The following SPTAN1 variants were observed in gnomAD, a reference collection of about 807,000 sequenced individuals.
The protein encoded by SPTAN1 is spectrin alpha chain, non-erythrocytic 1.
In SPTAN1, 61 loss-of-function variants were observed where a neutral mutation model predicts 331.3. That is an observed-to-expected ratio of 0.18 (90% CI 0.15 to 0.23). The LOEUF (loss-of-function observed/expected upper bound fraction) is 0.23, where lower values mean the gene tolerates loss of function less well. SPTAN1 is among the 10% of genes least tolerant of loss of function. The pLI is 1.00. For synonymous variants in SPTAN1, 1,153 were observed against 1,173.9 expected, an observed-to-expected ratio of 0.98 and a Z score of 0.36; for missense variants, 2,043 against 3,147.9, an observed-to-expected ratio of 0.65 and a Z score of 8.40.
At chr9:128,584,629 G>A in intron 17 of SPTAN1, 92 bp from the exon 18 acceptor site, 1 of 1,613,974 alleles carries the variant, frequency 6.2e-7, no homozygotes, top group Non-Finnish European at 8.5e-7. Context: ...TTAAATTATT[G>A]AACTGGAACC....
chr9:128,561,638 G>A (rs1410939830), intron 1 of SPTAN1, among the ~76,000 whole-genome samples: 1 of 93,546 alleles, frequency 1.1e-5, no homozygotes, highest in African/African-American at 3.8e-5. Flanking sequence ...ACTCCAGCCT[G>A]GGCAACAGAG....
At position 128,569,087 on chromosome 9, in the gene SPTAN1, T is replaced by C. The variant is rs181700435; in HGVS notation, c.363+190T>C. 8.1e-4 allele frequency among the ~76,000 whole-genome samples: 123 copies of C among 152,318 alleles called. No individual in the cohort carries two copies. In the East Asian group the frequency reaches 0.022, roughly 27 times the overall value. On this transcript the variant is annotated intron_variant, in intron 3 of 56. Coordinates refer to ENST00000372739, the MANE Select transcript of SPTAN1 (RefSeq NM_001130438.3). ...GACAGCATGAATGCAAGCGTTTGTA[T>C]ACTCAGTGAGGAAATTAATATTCCT...
intron 44 of SPTAN1, 131 bp from the exon 45 acceptor site, chr9:128,621,027 C>A (rs1269797554): frequency 1.0e-5 from 8 of 767,136 alleles, no homozygotes; most frequent in Non-Finnish European, 1.9e-5. Context: ...CTTTATTATC[C>A]TCTTCCCCAG....
At chr9:128,579,332 C>T (rs1163496781) in intron 9 of SPTAN1, among the ~76,000 whole-genome samples, 3 of 152,152 alleles carry the variant, frequency 2.0e-5, no homozygotes, top group Admixed American at 2.0e-4. Context: ...TAAACAAGTC[C>T]ATTTGGCACA....
At chr9:128,606,374 C>CAAAAAA (rs59257779) in intron 31 of SPTAN1, among the ~76,000 whole-genome samples, 1,521 of 58,732 alleles carry the variant, frequency 0.026, 331 homozygotes, top group Non-Finnish European at 0.033. Context: ...GACTCTGCCT[C>CAAAAAA]AAAAAAAAAA....
At chr9:128,580,295 TAAATA>T (rs1211189762) in intron 10 of SPTAN1, among the ~76,000 whole-genome samples, 1 of 150,668 alleles carries the variant, frequency 6.6e-6, no homozygotes, top group East Asian at 1.9e-4. Context: ...AAAAAATAAA[TAAATA>T]AAAATAAAAT....
chr9:128,617,038 G>C (rs1857256741), intron 41 of SPTAN1, among the ~76,000 whole-genome samples: 1 of 152,122 alleles, frequency 6.6e-6, no homozygotes, highest in Non-Finnish European at 1.5e-5. Flanking sequence ...AAGAGTTTGA[G>C]ACCAGCCTGG....
chr9:128,574,592 C>CT (rs751793555), intron 3 of SPTAN1, 83 bp from the exon 4 acceptor site: 9 of 1,541,062 alleles, frequency 5.8e-6, no homozygotes, highest in Non-Finnish European at 7.2e-6. Context: ...CATAAGGTCT[C>CT]TAACTTGTCT....
At position 128,615,616 on chromosome 9, in the gene SPTAN1, A is replaced by T. The variant is rs1407103136; in HGVS notation, c.5149-16A>T. The T allele has an allele frequency of 6.2e-7, 1 of 1,613,494 alleles. No homozygotes were observed. The highest frequency in any genetic ancestry group is 8.5e-7 in the Non-Finnish European group (1 of 1,180,044). ...GGGAGACCCAGTTTCTGACCCTCTT[A>T]TGTCCCCTGCCCCAGGATCGCCTGA... On this transcript the variant is annotated splice_polypyrimidine_tract_variant and intron_variant, in intron 40 of 56. Transcript: ENST00000372739.
At chr9:128,606,665 T>A (rs1855929924) in intron 31 of SPTAN1, among the ~76,000 whole-genome samples, 1 of 151,836 alleles carries the variant, frequency 6.6e-6, no homozygotes. Flanking sequence ...GTATTTTTTT[T>A]AGTAGAGGCG....
At chr9:128,609,990 T>A (rs1424183349) in intron 37 of SPTAN1, among the ~76,000 whole-genome samples, 1 of 152,212 alleles carries the variant, frequency 6.6e-6, no homozygotes, top group Non-Finnish European at 1.5e-5. Context: ...GAACATCAGC[T>A]TCAGCTTTTT....
intron 29 of SPTAN1, 79 bp downstream of exon 29, chr9:128,604,496 G>C: frequency 7.2e-7 from 1 of 1,382,394 alleles, no homozygotes; most frequent in Non-Finnish European, 1.0e-6. Flanking sequence ...CTTGCTGACT[G>C]AGATCCTAGA....
At chr9:128,595,219 C>A (rs1279034798) in intron 24 of SPTAN1, among the ~76,000 whole-genome samples, 1 of 152,144 alleles carries the variant, frequency 6.6e-6, no homozygotes, top group East Asian at 1.9e-4. Context: ...AAGTGATTCT[C>A]ATGCCTCAGC....
chr9:128,629,150 GTC>G lies in SPTAN1; in HGVS notation c.6708-1169_6708-1168del. The stretch of plus-strand genomic sequence containing the variant: ...CATAGCATATCGTCGGGTCATTCGT[GTC>G]TATCAGTATGAAGTTGGGGATGATC... On this transcript the variant is annotated intron_variant, in intron 51 of 56. Transcript: ENST00000372739. This position sits in a 1 kb window ranked among gnomAD's most constrained non-coding sequence, Gnocchi z 4.9. The G allele has an allele frequency of 2.5e-6, 1 of 398,736 alleles. No individual in the cohort carries two copies. The highest frequency in any genetic ancestry group is 3.6e-5 in the East Asian group (1 of 28,074). 24.7% of individuals were successfully genotyped at this position (398,736 alleles called of 1,614,324 possible). A position where few individuals can be genotyped will look rare whatever the true frequency, so the allele number is the denominator to read the frequency against.
rs1858527349 is a variant in SPTAN1 at position 128,625,064 on chromosome 9, C to T, written c.5993-39C>T. 2 of 1,587,244 alleles carry T rather than the reference C, an allele frequency of 1.3e-6. No individual in the cohort carries two copies. Among genetic ancestry groups the T allele is most frequent in the Non-Finnish European group, 1.7e-6 (2 of 1,155,664 alleles). ...GTTTTTCCTTTCTAATCCATCTCCA[C>T]TGAGGAGGGCAGTATATTTTCCACA... On this transcript the variant is annotated intron_variant, in intron 46 of 56. Coordinates refer to ENST00000372739, the MANE Select transcript of SPTAN1 (RefSeq NM_001130438.3). This position sits in a 1 kb window ranked among gnomAD's most constrained non-coding sequence, Gnocchi z 4.1.
chr9:128,578,594 G>C (rs1347290734), intron 9 of SPTAN1, among the ~76,000 whole-genome samples: 1 of 152,144 alleles, frequency 6.6e-6, no homozygotes, highest in Non-Finnish European at 1.5e-5. Context: ...ACTTTGGAAG[G>C]CTGAGGCGGG....
intron 41 of SPTAN1, 113 bp from the exon 42 acceptor site, chr9:128,617,527 A>C: frequency 6.5e-7 from 1 of 1,533,668 alleles, no homozygotes. Context: ...ACTGGCAAGG[A>C]TTTTCCCAGA....
rs1273433822 is a variant in SPTAN1, at chr9:128,626,580, G to A, written c.6469G>A (p.Glu2157Lys). Residue 2157 changes from glutamate to lysine, a missense_variant, in exon 49 of 57, where the codon GAG becomes AAG. Physicochemically the swap from Glu to Lys is moderately conservative, Grantham distance 56 (BLOSUM62 1). Coordinates refer to ENST00000372739, the MANE Select transcript of SPTAN1 (RefSeq NM_001130438.3). ...SAQADFNQLA[E>K]LDRQIKSFRV... ...CCAGGCTGACTTCAACCAGCTGGCC[G>A]AGCTGGACCGCCAGATCAAGAGCTT... 6.2e-6 allele frequency: 10 copies of A among 1,613,722 alleles called. No individual in the cohort carries two copies. The highest frequency in any genetic ancestry group is 1.7e-5 in the Admixed American group (1 of 59,990).
chr9:128,567,984 A>G (rs1177573944), intron 2 of SPTAN1, among the ~76,000 whole-genome samples: 1 of 148,734 alleles, frequency 6.7e-6, no homozygotes, highest in African/African-American at 2.5e-5. Flanking sequence ...CTGGTTTCGA[A>G]CTCCTGACCT....
Sources: gnomAD v4.1 joint callset for allele counts (sites outside exome capture counted in the v4.1 genomes callset) on GRCh38, gnomAD v4.1.1 for gene constraint, Gnocchi (gnomAD v3.1) non-coding constraint, MANE v1.5 for transcripts, NCBI Gene and HGNC (gene_info 2026-07-23, HGNC 2026-07-21) for gene names.